The following ABCB1 variants were observed in gnomAD, a reference collection of about 807,000 sequenced individuals.
The protein encoded by ABCB1 is ATP-dependent translocase ABCB1.
ABCB1 carries 69 observed loss-of-function variants against 142.0 expected under a neutral mutation model. That is an observed-to-expected ratio of 0.49 (90% CI 0.40 to 0.59). The LOEUF (loss-of-function observed/expected upper bound fraction) is 0.59. Ranked by LOEUF, ABCB1 falls within the 20% of genes least tolerant of loss-of-function variation. The pLI is 0.00. For synonymous variants in ABCB1, 532 were observed against 539.2 expected (o/e 0.99, Z 0.18); for missense variants, 1,326 against 1,554.7 (o/e 0.85, Z 2.47).
chr7:87,566,591 C>T (rs1173485878), intron 6 of ABCB1, among the ~76,000 whole-genome samples, 194 bp downstream of exon 6: 1 of 152,164 alleles, frequency 6.6e-6, no homozygotes, highest in Admixed American at 6.5e-5. Flanking sequence ...GCTAGTCATG[C>T]AGGTCCCCCC....
chr7:87,524,411 A>G (rs1815686209), intron 21 of ABCB1, among the ~76,000 whole-genome samples: 1 of 152,196 alleles, frequency 6.6e-6, no homozygotes, highest in Non-Finnish European at 1.5e-5. Flanking sequence ...GAAAAAATTC[A>G]CCTTCAAATT....
At chr7:87,642,283 G>A (rs185328726) in intron 1 of ABCB1, among the ~76,000 whole-genome samples, 153 of 152,056 alleles carry the variant, frequency 1.0e-3, no homozygotes, top group African/African-American at 3.6e-3. Flanking sequence ...TTTCATTTTC[G>A]TAGCATTCTA....
chr7:87,566,499 C>T (rs1339645293), intron 6 of ABCB1, among the ~76,000 whole-genome samples: 1 of 152,160 alleles, frequency 6.6e-6, no homozygotes, highest in Non-Finnish European at 1.5e-5. Flanking sequence ...TCAGAAATTT[C>T]CTCAGAAAGT....
At chr7:87,641,962 T>G (rs748010414) in intron 1 of ABCB1, among the ~76,000 whole-genome samples, 21 of 152,050 alleles carry the variant, frequency 1.4e-4, no homozygotes, top group Non-Finnish European at 2.8e-4. Flanking sequence ...AATTTAAAAT[T>G]TTCATAAATC....
intron 1 of ABCB1, among the ~76,000 whole-genome samples, chr7:87,619,360 G>A (rs369237207): frequency 8.6e-5 from 13 of 151,902 alleles, no homozygotes; most frequent in South Asian, 2.1e-4. Flanking sequence ...CCAACATGCC[G>A]AAACCCCGTC....
chr7:87,563,174 T>C (rs1817641489), intron 7 of ABCB1, among the ~76,000 whole-genome samples: 1 of 152,096 alleles, frequency 6.6e-6, no homozygotes, highest in Non-Finnish European at 1.5e-5. Context: ...TAATAATAGC[T>C]TACCACCCCC....
At chr7:87,667,108 C>A (rs1161389635) in intron 1 of ABCB1, among the ~76,000 whole-genome samples, 3 of 152,098 alleles carry the variant, frequency 2.0e-5, no homozygotes, top group Non-Finnish European at 4.4e-5. Context: ...GATATTGATT[C>A]TTCCTATTCA....
chr7:87,566,715 T>G, intron 6 of ABCB1, 70 bp downstream of exon 6: 14 of 1,449,206 alleles, frequency 9.7e-6, no homozygotes, highest in Non-Finnish European at 1.4e-5. Context: ...CTAACAGATG[T>G]GATGACATCT....
chr7:87,710,448 TA>T, intron 1 of ABCB1: 1 of 619,460 alleles, frequency 1.6e-6, no homozygotes, highest in Non-Finnish European at 2.8e-6. Flanking sequence ...ACATTTTTCT[TA>T]GTCGTTATCA....
chr7:87,518,303 T>C lies in ABCB1; in HGVS notation c.2927+1023A>G, dbSNP rs28401788. Among the ~76,000 whole-genome samples, 1,066 of 152,360 alleles carry C rather than the reference T, an allele frequency of 7.0e-3. 17 individuals are homozygous for C. Among genetic ancestry groups the C allele is most frequent in the African/African-American group, 0.024 (987 of 41,580 alleles). On this transcript the variant is annotated intron_variant, in intron 23 of 27. Coordinates refer to ENST00000622132, the MANE Select transcript of ABCB1 (RefSeq NM_001348946.2). ...TTCTTCAGACAGGTCTTCCTTTTCC[T>C]TAACTTGGAAGGTTGATTTTGCAAA...
intron 1 of ABCB1, chr7:87,628,871 C>T: frequency 3.9e-6 from 5 of 1,284,230 alleles, no homozygotes; most frequent in Non-Finnish European, 5.0e-6. Flanking sequence ...GCGGCGGTGG[C>T]GGCGGAGGCG....
intron 1 of ABCB1, among the ~76,000 whole-genome samples, chr7:87,667,984 A>G (rs1284789686): frequency 2.0e-5 from 3 of 151,992 alleles, no homozygotes; most frequent in Non-Finnish European, 2.9e-5. Flanking sequence ...GGGTATTAAG[A>G]TGATGTTGGC....
intron 1 of ABCB1, among the ~76,000 whole-genome samples, chr7:87,623,331 G>T (rs1820293934): frequency 6.6e-6 from 1 of 152,130 alleles, no homozygotes; most frequent in African/African-American, 2.4e-5. Context: ...CGAACTGAGG[G>T]TCAGTATTTG....
intron 1 of ABCB1, among the ~76,000 whole-genome samples, chr7:87,627,001 C>T (rs1427904858): frequency 1.3e-5 from 2 of 152,088 alleles, no homozygotes; most frequent in Non-Finnish European, 2.9e-5. Flanking sequence ...GTCTCGAACT[C>T]CTGACCTCGT....
Position 87,703,201 on chromosome 7 carries a change from T to C in ABCB1, c.-331+9960A>G, listed in dbSNP as rs74994395. On this transcript the variant is annotated intron_variant, in intron 1 of 28. Transcript: ENST00000265724. The stretch of plus-strand genomic sequence containing the variant: ...ATAACCGAAAGTATAACAATTATCT[T>C]TCCAAATTATAATTTCCAAGTTTTT... Among the ~76,000 whole-genome samples, 708 of 152,314 alleles carry C rather than the reference T, an allele frequency of 4.6e-3. 2 individuals carry two copies. Among genetic ancestry groups the C allele is most frequent in the Admixed American group, 8.6e-3 (132 of 15,304 alleles).
At chr7:87,557,840 CT>C (rs952272150) in intron 8 of ABCB1, among the ~76,000 whole-genome samples, 1 of 152,144 alleles carries the variant, frequency 6.6e-6, no homozygotes, top group Non-Finnish European at 1.5e-5. Context: ...TAATAATGTC[CT>C]TAAAAATATT....
chr7:87,687,516 A>C (rs551496800), intron 1 of ABCB1, among the ~76,000 whole-genome samples: 3 of 151,934 alleles, frequency 2.0e-5, no homozygotes, highest in African/African-American at 7.2e-5. Flanking sequence ...ATCTTTCTTC[A>C]CCTCCACTAA....
chr7:87,707,861 C>A (rs1330221804), intron 1 of ABCB1, among the ~76,000 whole-genome samples: 1 of 151,522 alleles, frequency 6.6e-6, no homozygotes, highest in African/African-American at 2.4e-5. Context: ...AAGCTAGAAT[C>A]AAAAATATGG....
At chr7:87,584,353 G>T (rs1401579562) in intron 4 of ABCB1, among the ~76,000 whole-genome samples, 2 of 152,118 alleles carry the variant, frequency 1.3e-5, no homozygotes, top group Admixed American at 1.3e-4. Context: ...AAGTTGAAAG[G>T]TCCTTGTAAG....
Sources: allele counts gnomAD v4.1 joint callset (sites outside exome capture counted in the v4.1 genomes callset), GRCh38; gene constraint gnomAD v4.1.1; transcripts MANE v1.5; gene names NCBI Gene and HGNC (gene_info 2026-07-23, HGNC 2026-07-21).